Variants in CD99 observed in about 807,000 individuals in gnomAD.
The protein encoded by CD99 is CD99 antigen.
Under a neutral mutation model 28.4 loss-of-function variants are expected in CD99, and 19 were observed. The ratio of observed to expected loss-of-function variants is 0.67; its 90% CI spans 0.47 to 0.98. CD99 has a LOEUF of 0.98. CD99 is among the 50% of genes least tolerant of loss of function. The pLI is 0.00. For missense variants in CD99, 283 were observed against 248.8 expected (o/e 1.14, Z -0.92); for synonymous variants, 103 against 92.1 (o/e 1.12, Z -0.67).
intron 1 of CD99, among the ~76,000 whole-genome samples, chrX:2,699,918 A>G (rs1054698755): frequency 1.2e-4 from 19 of 152,336 alleles, no homozygotes; most frequent in Middle Eastern, 3.4e-3. Flanking sequence ...ACATTTTTCA[A>G]AGAGCATTCA....
intron 6 of CD99, 118 bp from the exon 7 acceptor site, chrX:2,723,196 G>C (rs2049088302): frequency 9.9e-7 from 1 of 1,007,024 alleles, no homozygotes; most frequent in Admixed American, 1.7e-5. Flanking sequence ...TCTGTAGCTG[G>C]GTAACATGTA....
chrX:2,705,883 A>C (rs946493258), intron 1 of CD99, among the ~76,000 whole-genome samples: 10 of 152,146 alleles, frequency 6.6e-5, no homozygotes, highest in African/African-American at 2.2e-4. Context: ...GCCTCCTGCT[A>C]TTCCCACACA....
intron 8 of CD99, chrX:2,733,270 G>A: frequency 7.3e-7 from 1 of 1,363,856 alleles, no homozygotes; most frequent in Non-Finnish European, 1.0e-6. Context: ...CCTGCTGCTG[G>A]GAGCCCCAGC....
In CD99 at chrX:2,722,625, A is replaced by G. The variant is rs1452955983; in HGVS notation, c.263-2A>G. The G allele has an allele frequency of 6.2e-7, 1 of 1,613,708 alleles. No homozygotes were observed. The highest frequency in any genetic ancestry group is 1.3e-5 in the African/African-American group (1 of 74,864). On this transcript the variant is annotated splice_acceptor_variant, in intron 5 of 9. Coordinates refer to ENST00000381192, the MANE Select transcript of CD99 (RefSeq NM_002414.5). LOFTEE classifies it high-confidence loss of function. Reference sequence around the variant, plus strand: ...CAGGTGATGCTGTATTTTCTTTCCTAGGTAGCTTTTCAGATGCTGACCTTG... The same window carrying G: ...CAGGTGATGCTGTATTTTCTTTCCTGGGTAGCTTTTCAGATGCTGACCTTG...
intron 8 of CD99, chrX:2,737,881 AAAG>A: frequency 1.9e-6 from 1 of 527,114 alleles, no homozygotes. Context: ...TTTTTTATAG[AAAG>A]AGCTTCCATG....
intron 2 of CD99, chrX:2,715,156 A>G (rs1474512159): frequency 3.3e-5 from 5 of 152,212 alleles, no homozygotes; most frequent in African/African-American, 1.2e-4. Flanking sequence ...CCTCACCCAG[A>G]GCCCTCGGTG....
chrX:2,736,017 A>G (rs1279050924), intron 8 of CD99, among the ~76,000 whole-genome samples: 3 of 152,000 alleles, frequency 2.0e-5, no homozygotes, highest in Non-Finnish European at 4.4e-5. Context: ...CCTGGCTAAC[A>G]TGGTGAAACC....
intron 9 of CD99, among the ~76,000 whole-genome samples, chrX:2,739,588 C>A (rs1038834371): frequency 1.3e-5 from 2 of 151,836 alleles, no homozygotes; most frequent in Non-Finnish European, 1.5e-5. Flanking sequence ...TAGCTGAGAC[C>A]ACAGGCACCC....
At chrX:2,732,273 G>A (rs755217579) in intron 8 of CD99, among the ~76,000 whole-genome samples, 19 of 152,146 alleles carry the variant, frequency 1.2e-4, no homozygotes, top group Non-Finnish European at 1.3e-4. Flanking sequence ...CTAACCACAC[G>A]GAGCCTGACC....
rs312255 is a variant in CD99, at chrX:2,740,759, T to C, written c.533-20T>C. 0.14 allele frequency: 220,414 copies of C among 1,609,018 alleles called. 16,706 individuals carry two copies. Among genetic ancestry groups the C allele is most frequent in the Admixed American group, 0.17 (10,353 of 59,918 alleles). The stretch of plus-strand genomic sequence containing the variant: ...CTCAGGGACCTGGGAATGACTTTCT[T>C]TTGTCTCTGTCTCCCACAGTTCAGC... On this transcript the variant is annotated intron_variant, in intron 9 of 9. Transcript: ENST00000381192.
intron 2 of CD99, among the ~76,000 whole-genome samples, chrX:2,715,879 C>G (rs1249419480): frequency 6.6e-6 from 1 of 152,134 alleles, no homozygotes; most frequent in Non-Finnish European, 1.5e-5. Flanking sequence ...GTCATTAGGA[C>G]CTATCCTAAT....
chrX:2,699,516 G>A (rs909848336), intron 1 of CD99, among the ~76,000 whole-genome samples: 8 of 150,034 alleles, frequency 5.3e-5, no homozygotes, highest in Admixed American at 4.7e-4. Flanking sequence ...CTGTCACCAG[G>A]CTGGAGTGCA....
intron 8 of CD99, among the ~76,000 whole-genome samples, chrX:2,732,777 C>T (rs1310846702): frequency 6.7e-6 from 1 of 148,286 alleles, no homozygotes; most frequent in Non-Finnish European, 1.5e-5. Context: ...TTCCCCTCTC[C>T]ATCCCTTCCT....
chrX:2,713,157 C>G (rs1300565563), intron 1 of CD99, among the ~76,000 whole-genome samples: 1 of 151,818 alleles, frequency 6.6e-6, no homozygotes, highest in Non-Finnish European at 1.5e-5. Context: ...CATATACATG[C>G]ACCTACACAC....
Position 2,691,357 on chromosome X carries a change from C to A in CD99, c.-4C>A. The stretch of plus-strand genomic sequence containing the variant: ...GGACCGTCCCTGCGCGCTCTGGGCG[C>A]ACCATGGCCCGCGGGGCTGCGCTGG... On this transcript the variant is annotated 5_prime_UTR_variant, in exon 1 of 10. Transcript: ENST00000381192. 14 of 1,567,298 alleles carry A rather than the reference C, an allele frequency of 8.9e-6. No individual in the cohort carries two copies. Among genetic ancestry groups the A allele is most frequent in the Non-Finnish European group, 1.2e-5 (14 of 1,166,966 alleles).
At chrX:2,732,933 C>T (rs1271640773) in intron 8 of CD99, among the ~76,000 whole-genome samples, 1 of 146,060 alleles carries the variant, frequency 6.8e-6, no homozygotes, top group East Asian at 2.1e-4. Flanking sequence ...CTTCCTCCTT[C>T]CCTCTCTCCT....
intron 5 of CD99, among the ~76,000 whole-genome samples, chrX:2,720,817 G>T (rs1191791461): frequency 6.6e-6 from 1 of 151,906 alleles, no homozygotes; most frequent in African/African-American, 2.4e-5. Flanking sequence ...TAGAGACAGG[G>T]TTTTGCCATG....
In CD99 at chrX:2,725,604, CTCTT is replaced by C. The variant is rs764602587; in HGVS notation, c.362-650_362-647del. 8.6e-5 allele frequency among the ~76,000 whole-genome samples: 13 copies of C among 151,966 alleles called. No homozygotes were observed. The East Asian group carries it at 1.2e-3, about 14-fold the overall frequency. ...TCCTCCAGGTTTGATGTCCAGCTCT[CTCTT>C]TCTTTTTTGTTTTGTTTTGTTTTGA... On this transcript the variant is annotated intron_variant, in intron 7 of 9. Transcript: ENST00000381192.
At chrX:2,691,579 G>T (rs775545612) in intron 1 of CD99, 152 bp downstream of exon 1, 1 of 834,626 alleles carries the variant, frequency 1.2e-6, no homozygotes, top group South Asian at 1.4e-5. Context: ...GGGGGCCCAG[G>T]CCCGGAGGAG....
Sources: gnomAD v4.1 joint callset for allele counts (sites outside exome capture counted in the v4.1 genomes callset) on GRCh38, gnomAD v4.1.1 for gene constraint, MANE v1.5 for transcripts, NCBI Gene and HGNC (gene_info 2026-07-23, HGNC 2026-07-21) for gene names.